Variants in TRMU observed in about 807,000 individuals in gnomAD.
The protein encoded by TRMU is tRNA mitochondrial 2-thiouridylase.
Under a neutral mutation model 46.9 loss-of-function variants are expected in TRMU, and 49 were observed. The ratio of observed to expected loss-of-function variants is 1.05; its 90% CI spans 0.83 to 1.33. The LOEUF is 1.33. TRMU is among the 40% of genes most tolerant of loss of function. TRMU has a pLI of 0.00. For synonymous variants in TRMU, 241 were observed against 200.9 expected (o/e 1.20, Z -1.69); for missense variants, 572 against 532.4 (o/e 1.07, Z -0.73).
intron 3 of TRMU, 109 bp from the exon 4 acceptor site, chr22:46,346,313 C>A: frequency 7.2e-7 from 1 of 1,389,594 alleles, no homozygotes; most frequent in Non-Finnish European, 9.6e-7. Context: ...TGCAGCCCCT[C>A]AGCCTAAGAC....
Position 46,342,137 on chromosome 22 carries a change from C to G in TRMU, c.249-1125C>G, listed in dbSNP as rs1231937718. On this transcript the variant is annotated intron_variant, in intron 2 of 10. Coordinates refer to ENST00000645190, the MANE Select transcript of TRMU (RefSeq NM_018006.5). This position sits in a 1 kb window ranked among gnomAD's most constrained non-coding sequence, Gnocchi z 4.7. ...TCCCAAAGGTTGGGGGTTCAGTCCC[C>G]CAGACGGACTCCCCCCACAACAGCA... 1.3e-5 allele frequency among the ~76,000 whole-genome samples: 2 copies of G among 152,180 alleles called. No individual in the cohort carries two copies. Among genetic ancestry groups the G allele is most frequent in the Admixed American group, 6.5e-5 (1 of 15,284 alleles).
chr22:46,337,768 C>A lies in TRMU; in HGVS notation c.83-11C>A, dbSNP rs1057523042. ...TTATGTATTCTCTTTAATTGACCTT[C>A]CCGCCCGCAGGTTACCAGGTGACAG... On this transcript the variant is annotated splice_polypyrimidine_tract_variant and intron_variant, in intron 1 of 10. Coordinates refer to ENST00000645190, the MANE Select transcript of TRMU (RefSeq NM_018006.5). 5 of 1,614,226 alleles carry A rather than the reference C, an allele frequency of 3.1e-6. No individual in the cohort carries two copies. The African/African-American group carries it at 4.0e-5, about 13-fold the overall frequency.
rs973562059 is a variant in TRMU, at chr22:46,336,039, C to T, written c.82+193C>T. 1.2e-5 allele frequency: 17 copies of T among 1,412,274 alleles called. No individual in the cohort carries two copies. Among genetic ancestry groups the T allele is most frequent in the Admixed American group, 5.8e-5 (2 of 34,602 alleles). 87.5% of individuals were successfully genotyped at this position (1,412,274 alleles called of 1,614,324 possible). ...CTCCACCTGTGTAGTCGGAGGTGTG[C>T]GCGACTGCAGCTCCGACTACCTGGG... On this transcript the variant is annotated intron_variant, in intron 1 of 10. Coordinates refer to ENST00000645190, the MANE Select transcript of TRMU (RefSeq NM_018006.5). This position sits in a 1 kb window ranked among gnomAD's most constrained non-coding sequence, Gnocchi z 4.1.
intron 2 of TRMU, among the ~76,000 whole-genome samples, chr22:46,341,009 CT>C (rs1236125871): frequency 2.0e-5 from 3 of 152,222 alleles, no homozygotes; most frequent in Non-Finnish European, 2.9e-5. Flanking sequence ...TCAGAGATTT[CT>C]TTTGCATTCT....
At position 46,342,172 on chromosome 22, in the gene TRMU, A is replaced by G. The variant is rs1333963281; in HGVS notation, c.249-1090A>G. Among the ~76,000 whole-genome samples the G allele has an allele frequency of 6.6e-6, 1 of 152,338 alleles. No homozygotes were observed. Among genetic ancestry groups the G allele is most frequent in the Non-Finnish European group, 1.5e-5 (1 of 68,026 alleles). ...TCCCCCCACAACAGCAGTCGAAAGT[A>G]TGGGCCTCTAGAACTTATGACCAAC... On this transcript the variant is annotated intron_variant, in intron 2 of 10. Transcript: ENST00000645190. This position sits in a 1 kb window ranked among gnomAD's most constrained non-coding sequence, Gnocchi z 4.7.
intron 2 of TRMU, among the ~76,000 whole-genome samples, chr22:46,341,020 TTTCA>T (rs1352119370): frequency 6.6e-6 from 1 of 152,246 alleles, no homozygotes; most frequent in African/African-American, 2.4e-5. Flanking sequence ...TTTTGCATTC[TTTCA>T]TTCAAGACCC....
chr22:46,354,059 T>C (rs1266935341), intron 8 of TRMU, 192 bp downstream of exon 8: 3 of 578,150 alleles, frequency 5.2e-6, no homozygotes, highest in African/African-American at 1.9e-5. Flanking sequence ...AGGTATTCAT[T>C]AGGCTGAGTT....
chr22:46,338,093 A>T lies in TRMU; in HGVS notation c.248+149A>T, dbSNP rs969355191. The T allele has an allele frequency of 1.9e-5, 21 of 1,081,738 alleles. No homozygotes were observed. Among genetic ancestry groups the T allele is most frequent in the Non-Finnish European group, 2.9e-5 (21 of 718,370 alleles). The allele number at this position is 1,081,738 out of a possible 1,614,324, so 67.0% of individuals were successfully genotyped here. The stretch of plus-strand genomic sequence containing the variant: ...CTGAAGACTGCAAGAGGCCTCAGCC[A>T]CCCTCGGGGCTCTGTGTTAGAGGCG... On this transcript the variant is annotated intron_variant, in intron 2 of 10. Coordinates refer to ENST00000645190, the MANE Select transcript of TRMU (RefSeq NM_018006.5). The surrounding 1 kb of genome is among the most constrained non-coding windows in gnomAD (Gnocchi z 4.5).
chr22:46,350,469 A>C lies in TRMU; in HGVS notation c.651+6A>C. On this transcript the variant is annotated splice_donor_region_variant and intron_variant, in intron 5 of 10. Transcript: ENST00000645190. The surrounding 1 kb of genome is among the most constrained non-coding windows in gnomAD (Gnocchi z 4.6). The stretch of plus-strand genomic sequence containing the variant: ...ATGTGCTTCAGAAGAAAGAGGTACG[A>C]GTGAGCAGTTGCCTTTGATTAGTGC... The C allele has an allele frequency of 6.2e-7, 1 of 1,613,226 alleles. No homozygotes were observed. The highest frequency in any genetic ancestry group is 1.3e-5 in the African/African-American group (1 of 75,062).
At chr22:46,345,038 T>C (rs1156605928) in intron 3 of TRMU, among the ~76,000 whole-genome samples, 1 of 152,194 alleles carries the variant, frequency 6.6e-6, no homozygotes, top group Admixed American at 6.5e-5. Flanking sequence ...TTGCTGCACC[T>C]TTCATAAAAG....
At chr22:46,353,399 CTG>C (rs1361206476) in intron 7 of TRMU, 5 of 335,182 alleles carry the variant, frequency 1.5e-5, no homozygotes, top group African/African-American at 4.3e-5. Context: ...TAGATGGACA[CTG>C]TGAAGACGTG....
Position 46,350,194 on chromosome 22 carries a change from T to C in TRMU, c.479-97T>C. 6.8e-7 allele frequency: 1 copy of C among 1,466,374 alleles called. No individual in the cohort carries two copies. Among genetic ancestry groups the C allele is most frequent in the African/African-American group, 1.4e-5 (1 of 71,952 alleles). The allele number at this position is 1,466,374 out of a possible 1,614,324, so 90.8% of individuals were successfully genotyped here. A position where few individuals can be genotyped will look rare whatever the true frequency, so the allele number is the denominator to read the frequency against. ...GTGTTGATGTCTGCCTCTGACAGGC[T>C]AGGGGTAGTCTGTCTAAGTGAACAG... is the stretch of plus-strand genomic sequence containing the variant. On this transcript the variant is annotated intron_variant, in intron 4 of 10. Transcript: ENST00000645190. The surrounding 1 kb of genome is among the most constrained non-coding windows in gnomAD (Gnocchi z 4.6).
Position 46,350,905 on chromosome 22 carries a change from C to T in TRMU, c.651+442C>T, listed in dbSNP as rs1480490315. 6.6e-6 allele frequency among the ~76,000 whole-genome samples: 1 copy of T among 152,224 alleles called. No individual in the cohort carries two copies. Reference sequence around the variant, plus strand: ...TGCCATCTGTTCGGGCGCTGTGCTGCTGGGCCGCGAGGAATTGGTGACGCG... The same window carrying T: ...TGCCATCTGTTCGGGCGCTGTGCTGTTGGGCCGCGAGGAATTGGTGACGCG... On this transcript the variant is annotated intron_variant, in intron 5 of 10. Transcript: ENST00000645190. The surrounding 1 kb of genome is among the most constrained non-coding windows in gnomAD (Gnocchi z 4.6).
At chr22:46,352,732 A>AGCGATGGGATCAGGCGTCC (rs2078470877) in intron 7 of TRMU, 1 of 348,786 alleles carries the variant, frequency 2.9e-6, no homozygotes, top group Non-Finnish European at 5.6e-6. Context: ...GACCACATGC[A>AGCGATGGGATCAGGCGTCC]GCGATGGGAT....
chr22:46,351,867 G>C lies in TRMU; in HGVS notation c.652-254G>C. The C allele has an allele frequency of 1.7e-6, 1 of 585,378 alleles. No homozygotes were observed. Among genetic ancestry groups the C allele is most frequent in the East Asian group, 3.0e-5 (1 of 33,740 alleles). The allele number at this position is 585,378 out of a possible 1,614,324, so 36.3% of individuals were successfully genotyped here. On this transcript the variant is annotated intron_variant, in intron 5 of 10. Coordinates refer to ENST00000645190, the MANE Select transcript of TRMU (RefSeq NM_018006.5). This position sits in a 1 kb window ranked among gnomAD's most constrained non-coding sequence, Gnocchi z 6.4. ...ACCGGGTTCTGCTTTCTTCCCCGGG[G>C]CAGCTGGTGTGAGGGTCTCCCGCGC...
chr22:46,343,258 C>A lies in TRMU; in HGVS notation c.249-4C>A. On this transcript the variant is annotated splice_region_variant and splice_polypyrimidine_tract_variant and intron_variant, in intron 2 of 10. Coordinates refer to ENST00000645190, the MANE Select transcript of TRMU (RefSeq NM_018006.5). ...GGAACTGAAGTCATTTTCTTTTATT[C>A]TAGTGACTTTTTGAATGAGTATGAA... The A allele has an allele frequency of 1.9e-6, 3 of 1,567,494 alleles. No individual in the cohort carries two copies. The highest frequency in any genetic ancestry group is 1.4e-5 in the African/African-American group (1 of 72,432).
rs771239307 is a variant in TRMU at position 46,346,477 on chromosome 22, A to C, written c.411A>C (p.Glu137Asp). The C allele has an allele frequency of 2.5e-6, 4 of 1,613,764 alleles. No homozygotes were observed. Among genetic ancestry groups the C allele is most frequent in the Non-Finnish European group, 3.4e-6 (4 of 1,179,712 alleles). ...HYARTSLEDE[E>D]VFEQKHVKKP... ...CAAGAACTTCCCTGGAAGATGAAGAAGTCTTTGAGCAGAAGCACGTTAAGA... is the reference window on the plus strand; with the variant it reads ...CAAGAACTTCCCTGGAAGATGAAGACGTCTTTGAGCAGAAGCACGTTAAGA... The change falls in exon 4 of 11, where the codon GAA becomes GAC. Residue 137 changes from glutamate to aspartate, a missense_variant. Glu to Asp is a conservative substitution (Grantham distance 45, BLOSUM62 2). Coordinates refer to ENST00000645190, the MANE Select transcript of TRMU (RefSeq NM_018006.5).
At position 46,348,153 on chromosome 22, in the gene TRMU, C is replaced by T. The variant is rs1296946458; in HGVS notation, c.478+1609C>T. Among the ~76,000 whole-genome samples the T allele has an allele frequency of 6.6e-6, 1 of 152,144 alleles. No homozygotes were observed. The highest frequency in any genetic ancestry group is 2.4e-5 in the African/African-American group (1 of 41,438). On this transcript the variant is annotated intron_variant, in intron 4 of 10. Transcript: ENST00000645190. The surrounding 1 kb of genome is among the most constrained non-coding windows in gnomAD (Gnocchi z 4.8). ...CACTTGGGAACTCCAGGGTGGAATT[C>T]ACCAAGTAATTGTGCATTTACGGGG...
At chr22:46,346,728 G>C (rs148489322) in intron 4 of TRMU, among the ~76,000 whole-genome samples, 184 bp downstream of exon 4, 66 of 152,374 alleles carry the variant, frequency 4.3e-4, no homozygotes, top group African/African-American at 1.5e-3. Flanking sequence ...GAGGGCCTGT[G>C]ATTGGGTAGT....
Sources: gnomAD v4.1 joint callset for allele counts (sites outside exome capture counted in the v4.1 genomes callset) on GRCh38, gnomAD v4.1.1 for gene constraint, Gnocchi (gnomAD v3.1) non-coding constraint, MANE v1.5 for transcripts, NCBI Gene and HGNC (gene_info 2026-07-23, HGNC 2026-07-21) for gene names.